Variants in CNGA1 observed in about 807,000 individuals in gnomAD.
The protein encoded by CNGA1 is cyclic nucleotide gated channel subunit alpha 1, also known as cyclic nucleotide-gated channel alpha-1.
CNGA1 carries 53 observed loss-of-function variants against 69.7 expected under a neutral mutation model. That is an observed-to-expected ratio of 0.76 (90% CI 0.61 to 0.96). CNGA1 has a LOEUF of 0.96. Among genes scored for constraint, CNGA1 ranks in the 40% least tolerant of loss-of-function variants. The pLI is 0.00. For missense variants in CNGA1, 739 were observed against 811.2 expected (o/e 0.91, Z 1.08); for synonymous variants, 249 against 283.5 (o/e 0.88, Z 1.22).
chr4:47,975,275 T>TATGTTGCC (rs1197858655), intron 3 of CNGA1, among the ~76,000 whole-genome samples: 1 of 152,218 alleles, frequency 6.6e-6, no homozygotes, highest in Non-Finnish European at 1.5e-5. Flanking sequence ...ACACTGTTGC[T>TATGTTGCC]ATGTTGCCCC....
chr4:47,973,455 G>C (rs1741156690), intron 3 of CNGA1, among the ~76,000 whole-genome samples: 1 of 152,164 alleles, frequency 6.6e-6, no homozygotes, highest in Non-Finnish European at 1.5e-5. Context: ...ATTACTTGAA[G>C]ACAGCCAAAG....
At chr4:47,979,320 CAAAA>C (rs10572642) in intron 3 of CNGA1, among the ~76,000 whole-genome samples, 9 of 117,186 alleles carry the variant, frequency 7.7e-5, no homozygotes, top group Admixed American at 9.3e-5. Context: ...CACTCCATCT[CAAAA>C]AAAAAAAAAA....
intron 3 of CNGA1, among the ~76,000 whole-genome samples, chr4:47,971,373 C>T (rs1420688530): frequency 6.6e-6 from 1 of 151,828 alleles, no homozygotes; most frequent in Non-Finnish European, 1.5e-5. Context: ...AAATTAATTA[C>T]TTAGTGAATA....
chr4:48,000,737 GA>G (rs1714632665), intron 2 of CNGA1, among the ~76,000 whole-genome samples: 1 of 54,968 alleles, frequency 1.8e-5, no homozygotes, highest in Non-Finnish European at 5.5e-5. Context: ...TACAGTGGGG[GA>G]AGCGGGGGGG....
At chr4:47,941,436 C>T (rs897981943) in intron 9 of CNGA1, among the ~76,000 whole-genome samples, 1 of 152,176 alleles carries the variant, frequency 6.6e-6, no homozygotes, top group Non-Finnish European at 1.5e-5. Flanking sequence ...GGAAGTTGTG[C>T]TTGGTCTTGG....
intron 1 of CNGA1, among the ~76,000 whole-genome samples, chr4:48,015,025 A>G (rs1715316117): frequency 6.6e-6 from 1 of 152,000 alleles, no homozygotes; most frequent in South Asian, 2.1e-4. Flanking sequence ...AAAAATACAA[A>G]AAATTAGCCG....
At chr4:48,009,720 C>T (rs538980913) in intron 2 of CNGA1, among the ~76,000 whole-genome samples, 1 of 152,046 alleles carries the variant, frequency 6.6e-6, no homozygotes, top group South Asian at 2.1e-4. Context: ...AGGAGAATTG[C>T]TTAAACCCAA....
intron 2 of CNGA1, 75 bp from the exon 3 acceptor site, chr4:47,981,575 A>G (rs1741715905): frequency 6.6e-6 from 1 of 152,160 alleles, no homozygotes; most frequent in Non-Finnish European, 1.5e-5. Context: ...AGTTTTCAAA[A>G]TTATTCCCAG....
intron 2 of CNGA1, among the ~76,000 whole-genome samples, chr4:48,001,572 T>C (rs569601913): frequency 6.6e-6 from 1 of 152,340 alleles, no homozygotes; most frequent in South Asian, 2.1e-4. Context: ...TTAATAATGA[T>C]AAAATTGTCT....
At chr4:47,960,340 A>G (rs1000594542) in intron 3 of CNGA1, among the ~76,000 whole-genome samples, 2 of 152,186 alleles carry the variant, frequency 1.3e-5, no homozygotes, top group African/African-American at 4.8e-5. Context: ...ACCTACAAAC[A>G]CACAACTACT....
At chr4:47,962,172 T>C (rs914014785) in intron 3 of CNGA1, among the ~76,000 whole-genome samples, 29 of 152,046 alleles carry the variant, frequency 1.9e-4, no homozygotes, top group Admixed American at 3.3e-4. Context: ...AGTGAAACCC[T>C]GTCTCTACTA....
chr4:47,975,841 A>T (rs1486375110), intron 3 of CNGA1, among the ~76,000 whole-genome samples: 1 of 152,066 alleles, frequency 6.6e-6, no homozygotes, highest in Non-Finnish European at 1.5e-5. Flanking sequence ...CAATGGTTGG[A>T]GACCTTAATG....
At chr4:47,990,145 G>A (rs1232885580) in intron 2 of CNGA1, among the ~76,000 whole-genome samples, 1 of 152,100 alleles carries the variant, frequency 6.6e-6, no homozygotes, top group East Asian at 1.9e-4. Flanking sequence ...AGTGCACCCT[G>A]AAAAAGAACA....
intron 10 of CNGA1, among the ~76,000 whole-genome samples, chr4:47,938,687 G>C (rs572394043): frequency 1.6e-4 from 25 of 152,142 alleles, no homozygotes; most frequent in African/African-American, 5.5e-4. Context: ...CACTGAGCGC[G>C]GCCCTAAGTC....
rs748380011 is a variant in CNGA1 at position 47,937,137 on chromosome 4, C to A, written c.1345G>T (p.Val449Phe). The A allele has an allele frequency of 3.1e-5, 50 of 1,614,156 alleles. No homozygotes were observed. The highest frequency in any genetic ancestry group is 4.1e-5 in the Non-Finnish European group (48 of 1,180,014). ...AGTTTATCAGGTAGATACTTTAAGA[C>A]TTCTTTCTCATCAACTGTTTTTTTG... ...TNKKTVDEKE[V>F]LKYLPDKLRA... The change falls in exon 11 of 11, where the codon GTC (valine) becomes TTC (phenylalanine). Residue 449 changes from valine (V) to phenylalanine (F), a missense_variant. Transcript: ENST00000514170.
chr4:47,951,432 C>A lies in CNGA1; in HGVS notation c.145G>T (p.Glu49Ter). Residue 49 changes from glutamate to a stop codon, truncating the protein, a stop_gained, in exon 5 of 11, where the codon GAA (glutamate) becomes TAA (stop). Transcript: ENST00000514170. LOFTEE classifies it high-confidence loss of function. ...TGAGGGTTTTCATTCTCTGATTCTT[C>A]AGATGTAGAGGCACTGTCATCATCC... ...SEDDDSASTS[E>*]ESENENPHAR... 1 of 1,613,714 alleles carries A rather than the reference C, an allele frequency of 6.2e-7. No homozygotes were observed. The highest frequency in any genetic ancestry group is 8.5e-7 in the Non-Finnish European group (1 of 1,179,712).
At chr4:47,973,130 C>T (rs984252239) in intron 3 of CNGA1, among the ~76,000 whole-genome samples, 1 of 144,656 alleles carries the variant, frequency 6.9e-6, no homozygotes, top group Non-Finnish European at 1.5e-5. Context: ...TGCAGTAGCA[C>T]TATCTCAGCT....
intron 2 of CNGA1, among the ~76,000 whole-genome samples, chr4:47,984,387 G>A (rs1741882050): frequency 6.6e-6 from 1 of 152,006 alleles, no homozygotes; most frequent in Admixed American, 6.6e-5. Flanking sequence ...GGAGGTGGAG[G>A]CAGGTGGATC....
In CNGA1 at chr4:47,945,595, A is replaced by C. The variant is rs182838343; in HGVS notation, c.288-2183T>G. 1.5e-3 allele frequency among the ~76,000 whole-genome samples: 235 copies of C among 152,328 alleles called. 1 individual carries two copies. Among genetic ancestry groups the C allele is most frequent in the African/African-American group, 5.3e-3 (222 of 41,562 alleles). On this transcript the variant is annotated intron_variant, in intron 6 of 10. Coordinates refer to ENST00000514170, the MANE Select transcript of CNGA1 (RefSeq NM_001379270.1). ...TAGATTCCTGGATGAGATATGACTT[A>C]TGGTGTTTCCCACTGGGTCCACAGA...
Sources: gnomAD v4.1 joint callset for allele counts (sites outside exome capture counted in the v4.1 genomes callset) on GRCh38, gnomAD v4.1.1 for gene constraint, MANE v1.5 for transcripts, NCBI Gene and HGNC (gene_info 2026-07-23, HGNC 2026-07-21) for gene names.